The following SPECC1 variants were observed in gnomAD, a reference collection of about 807,000 sequenced individuals.
The protein encoded by SPECC1 is sperm antigen with calponin homology and coiled-coil domains 1.
In SPECC1, 62 loss-of-function variants were observed where a neutral mutation model predicts 104.1. That is an observed-to-expected ratio of 0.60 (90% CI 0.49 to 0.74). The LOEUF is 0.74. Ranked by LOEUF, SPECC1 falls within the 30% of genes least tolerant of loss-of-function variation. The pLI is 0.00. For missense variants in SPECC1, 1,306 were observed against 1,310.5 expected (o/e 1.00, Z 0.05); for synonymous variants, 513 against 501.6 (o/e 1.02, Z -0.30).
chr17:20,200,137 A>G (rs566365076), intron 3 of SPECC1, among the ~76,000 whole-genome samples: 13 of 152,244 alleles, frequency 8.5e-5, no homozygotes, highest in African/African-American at 2.6e-4. Context: ...TTTTTCATAT[A>G]CAGTTTGGCT....
At position 20,314,951 on chromosome 17, in the gene SPECC1, CAA is replaced by C. The variant is rs1311948370; in HGVS notation, c.*888_*889del. The C allele has an allele frequency of 4.3e-6, 1 of 232,548 alleles. No individual in the cohort carries two copies. The highest frequency in any genetic ancestry group is 2.2e-5 in the African/African-American group (1 of 45,320). The allele number at this position is 232,548 out of a possible 1,614,324, so 14.4% of individuals were successfully genotyped here. ...GGGAGGTGCCCCACACCTCTGCCAC[CAA>C]AGTCTGTGTGCTCCTGAGCAGCTCG... On this transcript the variant is annotated 3_prime_UTR_variant, in exon 15 of 15. Transcript: ENST00000395527.
At chr17:20,198,114 CT>C (rs933507854) in intron 3 of SPECC1, among the ~76,000 whole-genome samples, 1 of 152,014 alleles carries the variant, frequency 6.6e-6, no homozygotes, top group African/African-American at 2.4e-5. Flanking sequence ...AGGAAAATTA[CT>C]TTTTTTTGTT....
intron 3 of SPECC1, chr17:20,155,907 C>T (rs906699222): frequency 8.4e-7 from 1 of 1,193,374 alleles, no homozygotes; most frequent in Non-Finnish European, 1.0e-6. Context: ...ATGACGGGGG[C>T]GGGCCGCGCC....
At chr17:20,312,503 T>C (rs918860515) in intron 14 of SPECC1, among the ~76,000 whole-genome samples, 10 of 152,206 alleles carry the variant, frequency 6.6e-5, no homozygotes, top group Non-Finnish European at 1.5e-4. Context: ...GAGGAAAGTG[T>C]GCAGTGTGCC....
intron 2 of SPECC1, among the ~76,000 whole-genome samples, chr17:20,097,988 C>G (rs2047733276): frequency 6.6e-6 from 1 of 152,212 alleles, no homozygotes; most frequent in Non-Finnish European, 1.5e-5. Flanking sequence ...CCCTGAGGGA[C>G]AGCCCTGTCC....
intron 4 of SPECC1, among the ~76,000 whole-genome samples, chr17:20,218,301 T>G (rs1021023132): frequency 2.5e-4 from 37 of 149,440 alleles, no homozygotes; most frequent in African/African-American, 9.1e-4. Flanking sequence ...CAACCCTGCA[T>G]TGTTAGATTA....
intron 1 of SPECC1, among the ~76,000 whole-genome samples, chr17:20,033,396 A>G (rs2044907868): frequency 1.3e-5 from 2 of 152,128 alleles, no homozygotes; most frequent in South Asian, 4.1e-4. Flanking sequence ...ATTTTAATGA[A>G]GTTGATTTCC....
intron 3 of SPECC1, among the ~76,000 whole-genome samples, chr17:20,134,871 A>G (rs2049840962): frequency 6.6e-6 from 1 of 152,192 alleles, no homozygotes; most frequent in Non-Finnish European, 1.5e-5. Flanking sequence ...GAATTGTAGG[A>G]TCCCACCATA....
chr17:20,016,971 G>T (rs765561022), intron 1 of SPECC1, among the ~76,000 whole-genome samples: 6 of 152,214 alleles, frequency 3.9e-5, no homozygotes, highest in Non-Finnish European at 8.8e-5. Context: ...CTAGCTCAGG[G>T]ATTGTAAACG....
At chr17:20,176,747 C>T (rs138480543) in intron 3 of SPECC1, among the ~76,000 whole-genome samples, 2 of 152,170 alleles carry the variant, frequency 1.3e-5, no homozygotes, top group African/African-American at 2.4e-5. Flanking sequence ...CTCCTTTTTC[C>T]GTCCCTGATT....
intron 3 of SPECC1, among the ~76,000 whole-genome samples, chr17:20,184,435 C>A (rs991879881): frequency 2.6e-5 from 4 of 152,086 alleles, no homozygotes; most frequent in Admixed American, 2.0e-4. Flanking sequence ...TAATGATTAT[C>A]CCAGGCAAGT....
At chr17:20,069,797 T>TA (rs2046482319) in intron 1 of SPECC1, among the ~76,000 whole-genome samples, 1 of 152,106 alleles carries the variant, frequency 6.6e-6, no homozygotes, top group South Asian at 2.1e-4. Context: ...CACTTACTCA[T>TA]ACATATTGAT....
intron 11 of SPECC1, among the ~76,000 whole-genome samples, chr17:20,259,840 T>G (rs1448916614): frequency 6.6e-6 from 1 of 152,210 alleles, no homozygotes; most frequent in Non-Finnish European, 1.5e-5. Context: ...ATTTAGGTAC[T>G]GGTTTAGTCT....
chr17:20,294,977 T>A (rs553141819), intron 12 of SPECC1, among the ~76,000 whole-genome samples: 1 of 151,856 alleles, frequency 6.6e-6, no homozygotes, highest in Non-Finnish European at 1.5e-5. Flanking sequence ...TTTATTCTTA[T>A]GTTGCCTTAC....
chr17:20,104,154 T>C (rs1193817175), intron 2 of SPECC1, among the ~76,000 whole-genome samples: 3 of 152,126 alleles, frequency 2.0e-5, no homozygotes, highest in Non-Finnish European at 4.4e-5. Flanking sequence ...CCCTGGGCCC[T>C]TAATGGTGCA....
At chr17:20,206,084 A>G (rs765170212) in intron 4 of SPECC1, among the ~76,000 whole-genome samples, 172 bp downstream of exon 4, 2 of 152,230 alleles carry the variant, frequency 1.3e-5, no homozygotes, top group Admixed American at 1.3e-4. Flanking sequence ...ATTGGGGGAT[A>G]CAAAAAGGAA....
chr17:20,099,564 A>G (rs1410084714), intron 2 of SPECC1, among the ~76,000 whole-genome samples: 1 of 149,914 alleles, frequency 6.7e-6, no homozygotes, highest in Non-Finnish European at 1.5e-5. Flanking sequence ...GCGTGGTGGC[A>G]TAGTCCTGTA....
chr17:20,013,407 G>A (rs2044007498), intron 1 of SPECC1, among the ~76,000 whole-genome samples: 1 of 152,176 alleles, frequency 6.6e-6, no homozygotes, highest in Non-Finnish European at 1.5e-5. Flanking sequence ...CCTTATGGGT[G>A]TGAAATCTTT....
At chr17:20,190,868 T>G (rs1276616494) in intron 3 of SPECC1, among the ~76,000 whole-genome samples, 3 of 152,126 alleles carry the variant, frequency 2.0e-5, no homozygotes, top group Admixed American at 2.0e-4. Flanking sequence ...GCTCTACTTA[T>G]TCATTCCTCC....
Sources: gnomAD v4.1 joint callset for allele counts (sites outside exome capture counted in the v4.1 genomes callset) on GRCh38, gnomAD v4.1.1 for gene constraint, MANE v1.5 for transcripts, NCBI Gene and HGNC (gene_info 2026-07-23, HGNC 2026-07-21) for gene names.